Variants in TSGA10 observed in about 807,000 individuals in gnomAD.
TSGA10 encodes the protein testis specific 10.
TSGA10 carries 43 observed loss-of-function variants against 96.6 expected under a neutral mutation model. The observed-to-expected ratio is 0.44, with a 90% CI of 0.35 to 0.57. The LOEUF (loss-of-function observed/expected upper bound fraction) is 0.57. TSGA10 is among the 20% of genes least tolerant of loss of function. The pLI is 0.01. For missense variants in TSGA10, 703 were observed against 834.4 expected (o/e 0.84, Z 1.94); for synonymous variants, 229 against 269.9 (o/e 0.85, Z 1.48).
intron 3 of TSGA10, among the ~76,000 whole-genome samples, chr2:99,118,320 G>A (rs896079474): frequency 1.3e-5 from 2 of 151,244 alleles, no homozygotes; most frequent in African/African-American, 2.4e-5. Flanking sequence ...GCATGGTGGC[G>A]AGTGCCCGTA....
At chr2:99,025,009 G>A (rs976186015) in intron 17 of TSGA10, among the ~76,000 whole-genome samples, 9 of 151,990 alleles carry the variant, frequency 5.9e-5, no homozygotes, top group South Asian at 2.1e-4. Flanking sequence ...TGTAAATTTC[G>A]TTTTATGTGT....
At chr2:99,024,434 G>A (rs1302581190) in intron 17 of TSGA10, among the ~76,000 whole-genome samples, 1 of 151,990 alleles carries the variant, frequency 6.6e-6, no homozygotes, top group African/African-American at 2.4e-5. Flanking sequence ...AATTCCGTTT[G>A]ATATAATTTT....
Position 99,026,419 on chromosome 2 carries a change from C to CT in TSGA10, c.1615-5938dup, listed in dbSNP as rs35171031. On this transcript the variant is annotated intron_variant, in intron 17 of 20. Transcript: ENST00000393483. ...AAATATACAGTCAGACTTAGTAGCT[C>CT]TTTTTTTTTTTTATTTTTGAGATGG... 4.9e-4 allele frequency among the ~76,000 whole-genome samples: 71 copies of CT among 145,424 alleles called. 1 individual carries two copies. The highest frequency in any genetic ancestry group is 3.5e-3 in the Middle Eastern group (1 of 286).
At chr2:99,050,264 C>G (rs2104344317) in intron 16 of TSGA10, among the ~76,000 whole-genome samples, 1 of 152,210 alleles carries the variant, frequency 6.6e-6, no homozygotes, top group East Asian at 1.9e-4. Context: ...GTTATAATAG[C>G]AACAATGCAT....
chr2:99,125,582 T>C (rs1474266875), intron 2 of TSGA10: 1 of 152,218 alleles, frequency 6.6e-6, no homozygotes, highest in Non-Finnish European at 1.5e-5. Flanking sequence ...TTCTTTGGAT[T>C]ACAATGCCTT....
At chr2:99,063,967 A>C (rs2084969666) in intron 16 of TSGA10, among the ~76,000 whole-genome samples, 1 of 152,190 alleles carries the variant, frequency 6.6e-6, no homozygotes, top group African/African-American at 2.4e-5. Context: ...CAATCAAGGA[A>C]GCACAAGACA....
Position 99,056,324 on chromosome 2 carries a change from T to C in TSGA10, c.1404+8615A>G, listed in dbSNP as rs960047889. ...GATCTAGAAAAAAAGACTCAATTAATAGAATCAGAAATGAAATAATGTAGT... is the reference window on the plus strand; with the variant it reads ...GATCTAGAAAAAAAGACTCAATTAACAGAATCAGAAATGAAATAATGTAGT... On this transcript the variant is annotated intron_variant, in intron 16 of 20. Transcript: ENST00000393483. 3.9e-5 allele frequency among the ~76,000 whole-genome samples: 6 copies of C among 152,248 alleles called. No homozygotes were observed. The South Asian group carries it at 1.2e-3, about 32-fold the overall frequency.
chr2:99,103,751 T>G (rs2091028613), intron 10 of TSGA10, among the ~76,000 whole-genome samples: 1 of 152,218 alleles, frequency 6.6e-6, no homozygotes, highest in Non-Finnish European at 1.5e-5. Context: ...TAAAGTAAGA[T>G]TACTAGAAGT....
intron 1 of TSGA10, among the ~76,000 whole-genome samples, chr2:99,131,324 T>C (rs568573796): frequency 2.4e-4 from 37 of 152,320 alleles, no homozygotes; most frequent in African/African-American, 8.4e-4. Context: ...TAGTTCTCCT[T>C]GAAGAGGTCC....
At chr2:99,130,036 T>C (rs917897083) in intron 1 of TSGA10, among the ~76,000 whole-genome samples, 8 of 152,238 alleles carry the variant, frequency 5.3e-5, no homozygotes, top group Non-Finnish European at 7.3e-5. Flanking sequence ...TAGTCTATCA[T>C]TGGTGGGCAT....
intron 17 of TSGA10, among the ~76,000 whole-genome samples, chr2:99,021,133 T>C (rs1207564248): frequency 6.6e-6 from 1 of 151,870 alleles, no homozygotes; most frequent in Admixed American, 6.6e-5. Context: ...TTATTCCTTA[T>C]CTTGTAATAT....
chr2:99,009,723 G>A (rs188404745), intron 20 of TSGA10, among the ~76,000 whole-genome samples: 244 of 152,176 alleles, frequency 1.6e-3, no homozygotes, highest in Middle Eastern at 3.4e-3. Flanking sequence ...GTTGAGCCAA[G>A]GTTCTCACTG....
Position 99,018,265 on chromosome 2 carries a change from T to C in TSGA10, c.2007A>G (p.Lys669=), listed in dbSNP as rs753710095. 1.9e-6 allele frequency: 3 copies of C among 1,614,042 alleles called. No individual in the cohort carries two copies. The highest frequency in any genetic ancestry group is 2.2e-5 in the East Asian group (1 of 44,874). The change falls in exon 20 of 21, where the codon AAA becomes AAG. Residue 669 remains lysine, a synonymous_variant. Coordinates refer to ENST00000393483, the MANE Select transcript of TSGA10 (RefSeq NM_025244.4). ...GGTGAGCACGTTCTGGTGAATGACATTTTGTATTTGGCTTCATTGTAGAAC... is the reference window on the plus strand; with the variant it reads ...GGTGAGCACGTTCTGGTGAATGACACTTTGTATTTGGCTTCATTGTAGAAC... ...HMSSTMKPNT[K]CHSPERAHHR... is the part of the protein sequence containing the mutation.
intron 16 of TSGA10, among the ~76,000 whole-genome samples, chr2:99,059,672 T>C (rs2084446929): frequency 6.8e-6 from 1 of 147,556 alleles, no homozygotes; most frequent in South Asian, 2.1e-4. Context: ...TTAAGTAAAC[T>C]TGTAAGACAA....
chr2:99,129,092 G>C (rs529318424), intron 1 of TSGA10, among the ~76,000 whole-genome samples: 4 of 152,256 alleles, frequency 2.6e-5, no homozygotes, highest in South Asian at 4.1e-4. Context: ...TGTTCAATGA[G>C]CCTTGCCCTC....
chr2:99,050,831 T>C (rs564313334), intron 16 of TSGA10, among the ~76,000 whole-genome samples: 32 of 152,212 alleles, frequency 2.1e-4, no homozygotes, highest in Admixed American at 1.9e-3. Context: ...CATAATAATG[T>C]TTTGGTCAAT....
intron 16 of TSGA10, among the ~76,000 whole-genome samples, chr2:99,040,315 G>C (rs150519826): frequency 1.2e-4 from 19 of 152,286 alleles, no homozygotes; most frequent in African/African-American, 4.3e-4. Flanking sequence ...AATTGGTAAA[G>C]AGGAAGTCAA....
In TSGA10 at chr2:99,082,969, A is replaced by AGAT. The variant is rs574062746; in HGVS notation, c.612-1573_612-1572insATC. On this transcript the variant is annotated intron_variant, in intron 10 of 20. Transcript: ENST00000393483. Reference sequence around the variant, plus strand: ...TGGACAAGTTAAAAATACAGAATAGACACTGTGAAAGAGATAACTGGTAAA... The same window carrying AGAT: ...TGGACAAGTTAAAAATACAGAATAGAGATCACTGTGAAAGAGATAACTGGTAAA... 2.8e-3 allele frequency among the ~76,000 whole-genome samples: 423 copies of AGAT among 152,296 alleles called. 2 individuals are homozygous for AGAT. The highest frequency in any genetic ancestry group is 9.5e-3 in the African/African-American group (397 of 41,578).
At chr2:99,118,741 T>C (rs2092416672) in intron 2 of TSGA10, 55 bp from the exon 3 acceptor site, 5 of 906,664 alleles carry the variant, frequency 5.5e-6, no homozygotes, top group Non-Finnish European at 6.6e-6. Context: ...TCAGGAACTA[T>C]ATTAAATTCC....
Sources: allele counts gnomAD v4.1 joint callset (sites outside exome capture counted in the v4.1 genomes callset), GRCh38; gene constraint gnomAD v4.1.1; transcripts MANE v1.5; gene names NCBI Gene and HGNC (gene_info 2026-07-23, HGNC 2026-07-21).